The following LRRC49 variants were observed in gnomAD, a reference collection of about 807,000 sequenced individuals.
LRRC49 encodes the protein leucine-rich repeat-containing protein 49.
Under a neutral mutation model 83.3 loss-of-function variants are expected in LRRC49, and 50 were observed. The ratio of observed to expected loss-of-function variants is 0.60; its 90% CI spans 0.48 to 0.76. The LOEUF (loss-of-function observed/expected upper bound fraction) is 0.76. Ranked by LOEUF, LRRC49 falls within the 30% of genes least tolerant of loss-of-function variation. The pLI, the probability that LRRC49 is intolerant of heterozygous loss-of-function variation, is 0.00. For missense variants in LRRC49, 704 were observed against 809.1 expected, an observed-to-expected ratio of 0.87 and a Z score of 1.58; for synonymous variants, 286 against 283.3, an observed-to-expected ratio of 1.01 and a Z score of -0.10.
intron 2 of LRRC49, among the ~76,000 whole-genome samples, chr15:70,877,174 G>A (rs1282476278): frequency 6.6e-6 from 1 of 152,110 alleles, no homozygotes; most frequent in Non-Finnish European, 1.5e-5. Context: ...AGAATTTATT[G>A]CTTGAACTAT....
At chr15:70,866,810 A>G (rs554573611) in intron 1 of LRRC49, among the ~76,000 whole-genome samples, 126 of 152,244 alleles carry the variant, frequency 8.3e-4, no homozygotes, top group Non-Finnish European at 1.5e-3. Context: ...ACACAATTTC[A>G]TTCAGTCCTT....
chr15:70,867,035 G>C (rs1359184450), intron 1 of LRRC49, among the ~76,000 whole-genome samples: 1 of 143,368 alleles, frequency 7.0e-6, no homozygotes, highest in East Asian at 2.0e-4. Flanking sequence ...AATTCAAGTG[G>C]AGGCTGATCG....
chr15:70,970,408 A>T (rs534169487), intron 9 of LRRC49, among the ~76,000 whole-genome samples: 1 of 152,150 alleles, frequency 6.6e-6, no homozygotes, highest in Non-Finnish European at 1.5e-5. Context: ...TTTCGCATTG[A>T]TGTTCATCAG....
chr15:70,901,220 A>G (rs552378274), intron 4 of LRRC49, among the ~76,000 whole-genome samples, 196 bp downstream of exon 4: 1 of 152,284 alleles, frequency 6.6e-6, no homozygotes, highest in East Asian at 1.9e-4. Context: ...TCTATATAAC[A>G]TAAAAGAGCT....
chr15:70,984,391 TG>T (rs2037518832), intron 11 of LRRC49, 134 bp downstream of exon 11: 2 of 731,278 alleles, frequency 2.7e-6, no homozygotes, highest in Admixed American at 6.5e-5. Flanking sequence ...GAAATTAAGA[TG>T]GAAAAGTTGA....
Position 71,009,916 on chromosome 15 carries a change from T to C in LRRC49, c.1517T>C (p.Val506Ala), listed in dbSNP as rs774128622. The C allele has an allele frequency of 1.9e-5, 31 of 1,612,172 alleles. No individual in the cohort carries two copies. Among genetic ancestry groups the C allele is most frequent in the African/African-American group, 4.0e-5 (3 of 74,856 alleles). The change falls in exon 13 of 16, where the codon GTC becomes GCC. Residue 506 changes from valine (V) to alanine (A), a missense_variant. Physicochemically the swap from Val to Ala is moderately conservative, Grantham distance 64. Transcript: ENST00000260382. ...LTIDPQGNPV[V>A]NFTLWKYYVL... ...ATTGATCCTCAAGGAAATCCAGTTG[T>C]CAATTTTACACTCTGGAAATACTAT...
chr15:70,990,223 C>T (rs1288951337), intron 11 of LRRC49, among the ~76,000 whole-genome samples: 1 of 152,162 alleles, frequency 6.6e-6, no homozygotes, highest in African/African-American at 2.4e-5. Flanking sequence ...TTTGTCTGTG[C>T]CCTGCCCCCA....
At chr15:70,868,287 A>G (rs749442131) in intron 1 of LRRC49, among the ~76,000 whole-genome samples, 12 of 152,236 alleles carry the variant, frequency 7.9e-5, no homozygotes, top group Non-Finnish European at 1.3e-4. Flanking sequence ...CTTGAAATGT[A>G]AGCTATGACA....
chr15:71,036,703 T>A (rs1017037775), intron 14 of LRRC49, among the ~76,000 whole-genome samples: 9 of 152,230 alleles, frequency 5.9e-5, no homozygotes, highest in Non-Finnish European at 2.9e-5. Context: ...TTTGGGTTAT[T>A]TTGGTTTTGC....
chr15:70,916,786 G>A (rs1201269398), intron 6 of LRRC49, among the ~76,000 whole-genome samples: 2 of 152,168 alleles, frequency 1.3e-5, no homozygotes, highest in Admixed American at 6.5e-5. Context: ...CTCAAGTCAC[G>A]GCTGCAGACC....
intron 11 of LRRC49, among the ~76,000 whole-genome samples, chr15:71,005,218 T>C (rs1567094758): frequency 6.6e-6 from 1 of 152,166 alleles, no homozygotes; most frequent in Non-Finnish European, 1.5e-5. Flanking sequence ...ATCTGCTATT[T>C]ATCTCTCAAG....
At chr15:70,873,131 C>T (rs916279605) in exon 2 of LRRC49, 61 of 1,278,936 alleles carry the variant, frequency 4.8e-5, no homozygotes, top group African/African-American at 2.3e-4. Flanking sequence ...GTGATCCACC[C>T]GCCTTGGCCT....
chr15:71,024,861 G>A (rs1044104947), intron 14 of LRRC49, among the ~76,000 whole-genome samples: 3 of 152,022 alleles, frequency 2.0e-5, no homozygotes, highest in Admixed American at 1.3e-4. Context: ...GGAACATAGC[G>A]ACCTGATGGA....
At chr15:70,960,907 C>A (rs2036581486) in intron 8 of LRRC49, among the ~76,000 whole-genome samples, 1 of 151,954 alleles carries the variant, frequency 6.6e-6, no homozygotes, top group South Asian at 2.1e-4. Flanking sequence ...AAAGTAGGAT[C>A]TATGAAAGAG....
Position 70,858,097 on chromosome 15 carries a change from C to A in LRRC49, c.-299+4628C>A, listed in dbSNP as rs548029467. 1.2e-4 allele frequency among the ~76,000 whole-genome samples: 18 copies of A among 152,344 alleles called. No individual in the cohort carries two copies. The South Asian group carries it at 3.7e-3, about 32-fold the overall frequency. On this transcript the variant is annotated intron_variant, in intron 1 of 16. Transcript: ENST00000544974. ...CCTTAGCCTGAATGGGAAACACAAA[C>A]ATTCCAGTTGCTGAGTATGTATATT...
chr15:70,962,238 C>G (rs947492220), intron 8 of LRRC49, among the ~76,000 whole-genome samples: 38 of 152,100 alleles, frequency 2.5e-4, no homozygotes, highest in African/African-American at 7.2e-4. Flanking sequence ...GGGAAGGAGG[C>G]TAGAATGATT....
At chr15:70,972,733 T>C (rs960467013) in intron 9 of LRRC49, among the ~76,000 whole-genome samples, 5 of 152,122 alleles carry the variant, frequency 3.3e-5, no homozygotes, top group Non-Finnish European at 7.4e-5. Context: ...TTTCATTAAG[T>C]TGATCTTCAG....
intron 15 of LRRC49, among the ~76,000 whole-genome samples, chr15:71,041,640 A>G (rs2039701949): frequency 6.6e-6 from 1 of 152,208 alleles, no homozygotes; most frequent in Non-Finnish European, 1.5e-5. Flanking sequence ...AAAACATGCC[A>G]TGTTTTAGAT....
At chr15:70,879,877 G>A (rs2033228662) in intron 2 of LRRC49, among the ~76,000 whole-genome samples, 1 of 152,134 alleles carries the variant, frequency 6.6e-6, no homozygotes. Context: ...TTCCAAGTAA[G>A]TTTAAGAAAT....
Sources: gnomAD v4.1 joint callset for allele counts (sites outside exome capture counted in the v4.1 genomes callset) on GRCh38, gnomAD v4.1.1 for gene constraint, MANE v1.5 for transcripts, NCBI Gene and HGNC (gene_info 2026-07-23, HGNC 2026-07-21) for gene names.